The following STAB2 variants were observed in gnomAD, a reference collection of about 807,000 sequenced individuals.
STAB2 encodes stabilin-2.
In STAB2, 288 loss-of-function variants were observed where a neutral mutation model predicts 338.1. That is an observed-to-expected ratio of 0.85 (90% CI 0.77 to 0.94). The LOEUF (loss-of-function observed/expected upper bound fraction) is 0.94, where lower values mean the gene tolerates loss of function less well. Among genes scored for constraint, STAB2 ranks in the 40% least tolerant of loss-of-function variants. The probability of loss-of-function intolerance (pLI) is 0.00; values close to 1 mark genes in which losing one functional copy is unlikely to be tolerated. For synonymous variants in STAB2, 1,202 were observed against 1,193.3 expected (o/e 1.01, Z -0.15); for missense variants, 3,141 against 3,210.1 (o/e 0.98, Z 0.52).
At chr12:103,705,875 TAGTG>T in intron 37 of STAB2, 148 bp downstream of exon 37, 1 of 746,428 alleles carries the variant, frequency 1.3e-6, no homozygotes, top group Non-Finnish European at 2.3e-6. Flanking sequence ...TCCAATGTAG[TAGTG>T]GTAGCAGTAA....
At chr12:103,603,851 C>A (rs57650540) in intron 3 of STAB2, among the ~76,000 whole-genome samples, 48,590 of 151,694 alleles carry the variant, frequency 0.32, 9,858 homozygotes, top group African/African-American at 0.58. Context: ...GCATAACGAC[C>A]CCGTAGCTCT....
At position 103,660,993 on chromosome 12, in the gene STAB2, G is replaced by T. The variant is rs187076730; in HGVS notation, c.1869+230G>T. On this transcript the variant is annotated intron_variant, in intron 17 of 68. Transcript: ENST00000388887. ...GTGAAAAAGATAGACTTCTATCCCA[G>T]CAGGGAAGACAGACTTTAAATAACT... Among the ~76,000 whole-genome samples, 7 of 152,272 alleles carry T rather than the reference G, an allele frequency of 4.6e-5. No individual in the cohort carries two copies. The East Asian group carries it at 1.4e-3, about 29-fold the overall frequency.
intron 68 of STAB2, 121 bp downstream of exon 68, chr12:103,763,729 G>T: frequency 1.0e-6 from 1 of 974,376 alleles, no homozygotes; most frequent in Non-Finnish European, 1.5e-6. Flanking sequence ...TGTATGTCAG[G>T]TAACAAGCCT....
chr12:103,592,060 TA>T (rs1956806910), intron 2 of STAB2: 1 of 152,328 alleles, frequency 6.6e-6, no homozygotes, highest in East Asian at 1.9e-4. Context: ...ATCATCATTT[TA>T]AATAAAAGTT....
At chr12:103,616,816 T>C (rs703609) in intron 3 of STAB2, among the ~76,000 whole-genome samples, 119,503 of 150,838 alleles carry the variant, frequency 0.79, 47,200 homozygotes, top group East Asian at 1. Flanking sequence ...AAAAAGCAAA[T>C]AGAAGAACTA....
chr12:103,658,966 C>T (rs912994709), intron 15 of STAB2, among the ~76,000 whole-genome samples: 2 of 152,118 alleles, frequency 1.3e-5, no homozygotes, highest in African/African-American at 4.8e-5. Context: ...TTGCTTCTGC[C>T]TGTAAGTCTC....
Position 103,763,559 on chromosome 12 carries a change from A to C in STAB2, c.7556A>C (p.Tyr2519Ser), listed in dbSNP as rs3751197. The C allele has an allele frequency of 1.3e-4, 207 of 1,614,092 alleles. 1 individual carries two copies. The East Asian group carries it at 4.5e-3, about 35-fold the overall frequency. The change falls in exon 68 of 69, where the codon TAT (tyrosine) becomes TCT (serine). Residue 2519 changes from tyrosine (Y) to serine (S), a missense_variant. Coordinates refer to ENST00000388887, the MANE Select transcript of STAB2 (RefSeq NM_017564.10). Reference protein sequence around the residue: ...QQPENISNPLYESTTSAPPEP... With the variant: ...QQPENISNPLSESTTSAPPEP... ...CCTGAGAATATCTCGAACCCCTTGTATGAGAGCACAACCTCAGCTCCCCCA... is the reference window on the plus strand; with the variant it reads ...CCTGAGAATATCTCGAACCCCTTGTCTGAGAGCACAACCTCAGCTCCCCCA...
At chr12:103,692,634 TGAGAGA>T (rs66556393) in intron 30 of STAB2, among the ~76,000 whole-genome samples, 172 bp from the exon 31 acceptor site, 1 of 151,044 alleles carries the variant, frequency 6.6e-6, no homozygotes, top group South Asian at 2.1e-4. Flanking sequence ...TGCACGTGTG[TGAGAGA>T]GAGAGAGAGA....
At chr12:103,727,546 C>T (rs1156503221) in intron 47 of STAB2, among the ~76,000 whole-genome samples, 196 bp downstream of exon 47, 2 of 152,172 alleles carry the variant, frequency 1.3e-5, no homozygotes. Context: ...TTTGGGGTAA[C>T]CACTGGCCAG....
intron 56 of STAB2, among the ~76,000 whole-genome samples, chr12:103,744,708 A>C (rs2139137068): frequency 6.6e-6 from 1 of 152,102 alleles, no homozygotes; most frequent in South Asian, 2.1e-4. Flanking sequence ...CCGGGCCTCA[A>C]GCAATCCTCC....
At chr12:103,758,010 C>T in intron 63 of STAB2, 160 bp from the exon 64 acceptor site, 2 of 1,053,516 alleles carry the variant, frequency 1.9e-6, no homozygotes, top group Non-Finnish European at 2.7e-6. Flanking sequence ...TCCTCAAACT[C>T]TCCCACGGCG....
chr12:103,712,597 C>T (rs930072216), intron 41 of STAB2, among the ~76,000 whole-genome samples, 154 bp downstream of exon 41: 9 of 152,078 alleles, frequency 5.9e-5, no homozygotes, highest in African/African-American at 2.2e-4. Context: ...TGCCTGGGGA[C>T]AGGAAACCAA....
At chr12:103,621,624 C>T (rs375119761) in intron 4 of STAB2, among the ~76,000 whole-genome samples, 5 of 152,110 alleles carry the variant, frequency 3.3e-5, no homozygotes, top group East Asian at 1.9e-4. Flanking sequence ...CCCAGCTACT[C>T]GGGAGGCTGA....
At chr12:103,632,934 A>G (rs1348429320) in intron 6 of STAB2, among the ~76,000 whole-genome samples, 1 of 152,218 alleles carries the variant, frequency 6.6e-6, no homozygotes, top group African/African-American at 2.4e-5. Context: ...GTAAAATGAA[A>G]GGGTTGGGTG....
chr12:103,652,685 G>A lies in STAB2; in HGVS notation c.1387G>A (p.Glu463Lys), dbSNP rs1053691290. 3 of 1,600,262 alleles carry A rather than the reference G, an allele frequency of 1.9e-6. No homozygotes were observed. Among genetic ancestry groups the A allele is most frequent in the South Asian group, 1.2e-5 (1 of 86,562 alleles). ...CTACACCTTGACTGGAAAGTCGGGG[G>A]AAATCTTCAACAGCGATAAGGTAAG... Reference protein sequence around the residue: ...MFYTLTGKSGEIFNSDKDNQI... With the variant: ...MFYTLTGKSGKIFNSDKDNQI... The change falls in exon 12 of 69, where the codon GAA (glutamate) becomes AAA (lysine). Residue 463 changes from glutamate (E) to lysine (K), a missense_variant. Glu to Lys is a moderately conservative substitution (Grantham distance 56). Coordinates refer to ENST00000388887, the MANE Select transcript of STAB2 (RefSeq NM_017564.10).
Position 103,695,781 on chromosome 12 carries a change from A to C in STAB2, c.3519A>C (p.Thr1173=), listed in dbSNP as rs1235179131. The part of the protein sequence containing the change: ...ANAIEAADAY[T]VFAPNNNAIE... Reference sequence around the variant, plus strand: ...CAATTGAGGCTGCCGATGCCTACACAGTGTTTGCTCCAAACAACAATGCCA... The same window carrying C: ...CAATTGAGGCTGCCGATGCCTACACCGTGTTTGCTCCAAACAACAATGCCA... The change falls in exon 33 of 69, where the codon ACA becomes ACC. Residue 1173 remains threonine, a synonymous_variant. Coordinates refer to ENST00000388887, the MANE Select transcript of STAB2 (RefSeq NM_017564.10). 1 of 1,614,200 alleles carries C rather than the reference A, an allele frequency of 6.2e-7. No individual in the cohort carries two copies. Among genetic ancestry groups the C allele is most frequent in the Non-Finnish European group, 8.5e-7 (1 of 1,180,036 alleles).
At chr12:103,724,404 G>A (rs1468941255) in intron 44 of STAB2, among the ~76,000 whole-genome samples, 1 of 152,206 alleles carries the variant, frequency 6.6e-6, no homozygotes, top group East Asian at 1.9e-4. Context: ...GGGTTTGTGA[G>A]GAAGGGGCCT....
intron 63 of STAB2, 51 bp from the exon 64 acceptor site, chr12:103,758,119 G>C (rs1299085754): frequency 1.2e-6 from 2 of 1,611,118 alleles, no homozygotes; most frequent in Middle Eastern, 1.7e-4. Context: ...AGCCACCCAG[G>C]TCCCTGCACA....
intron 5 of STAB2, among the ~76,000 whole-genome samples, chr12:103,622,413 T>G (rs551307882): frequency 5.1e-4 from 77 of 152,358 alleles, no homozygotes; most frequent in African/African-American, 1.8e-3. Context: ...TGGTTACAGC[T>G]TGGCATTTGC....
Sources: gnomAD v4.1 joint callset for allele counts (sites outside exome capture counted in the v4.1 genomes callset) on GRCh38, gnomAD v4.1.1 for gene constraint, MANE v1.5 for transcripts, NCBI Gene and HGNC (gene_info 2026-07-23, HGNC 2026-07-21) for gene names.